LAMC3: variants seen among roughly 807,000 people sequenced by gnomAD.
LAMC3 encodes laminin subunit gamma 3.
LAMC3 carries 128 observed loss-of-function variants against 173.8 expected under a neutral mutation model. That is an observed-to-expected ratio of 0.74 (90% CI 0.64 to 0.85). The LOEUF (loss-of-function observed/expected upper bound fraction) is 0.85, where lower values mean the gene tolerates loss of function less well. LAMC3 is among the 40% of genes least tolerant of loss of function. The pLI is 0.00. For synonymous variants in LAMC3, 897 were observed against 909.1 expected (o/e 0.99, Z 0.24); for missense variants, 2,022 against 2,156.0 (o/e 0.94, Z 1.23).
intron 12 of LAMC3, 142 bp downstream of exon 12, chr9:131,057,289 C>A: frequency 1.4e-6 from 1 of 734,386 alleles, no homozygotes; most frequent in Non-Finnish European, 2.4e-6. Flanking sequence ...TGAGCTTTCC[C>A]GTGCTGCTCA....
Position 131,086,164 on chromosome 9 carries a change from C to T in LAMC3, c.4230+441C>T, listed in dbSNP as rs1009628631. On this transcript the variant is annotated intron_variant, in intron 25 of 27. Transcript: ENST00000361069. The stretch of plus-strand genomic sequence containing the variant: ...CGCAATCTCAGCTCACTGCAATCTC[C>T]GCCTCCTGGGTTCAAGTGACTCTCC... Among the ~76,000 whole-genome samples the T allele has an allele frequency of 1.6e-4, 24 of 151,430 alleles. No individual in the cohort carries two copies. In the East Asian group the frequency reaches 2.4e-3, roughly 15 times the overall value.
intron 20 of LAMC3, 35 bp from the exon 21 acceptor site, chr9:131,075,796 C>G (rs756641515): frequency 4.4e-6 from 7 of 1,595,938 alleles, no homozygotes; most frequent in Non-Finnish European, 5.1e-6. Context: ...TCCCTGCGAG[C>G]CCTTGGTAAT....
Position 131,009,619 on chromosome 9 carries a change from C to T in LAMC3, c.373+32C>T. On this transcript the variant is annotated intron_variant, in intron 1 of 27. Coordinates refer to ENST00000361069, the MANE Select transcript of LAMC3 (RefSeq NM_006059.4). The surrounding 1 kb of genome is among the most constrained non-coding windows in gnomAD (Gnocchi z 4.3). ...GCGGGCTGGGGGCACCGCCACCGCA[C>T]CCCGTGTCCCCACTCCACTGGGGGT... 6.4e-7 allele frequency: 1 copy of T among 1,552,726 alleles called. No individual in the cohort carries two copies. The highest frequency in any genetic ancestry group is 8.7e-7 in the Non-Finnish European group (1 of 1,150,654).
chr9:131,021,863 A>G (rs1833631954), intron 1 of LAMC3, among the ~76,000 whole-genome samples: 1 of 152,212 alleles, frequency 6.6e-6, no homozygotes, highest in South Asian at 2.1e-4. Flanking sequence ...TGCAAAGGAC[A>G]CAGATGAAGA....
intron 7 of LAMC3, among the ~76,000 whole-genome samples, chr9:131,042,496 A>G (rs1834073855): frequency 1.3e-5 from 2 of 151,472 alleles, no homozygotes; most frequent in South Asian, 4.2e-4. Flanking sequence ...CTCACGGCCA[A>G]CATCACTCAT....
At position 131,029,400 on chromosome 9, in the gene LAMC3, C is replaced by T. The variant is rs939033986; in HGVS notation, c.679-2645C>T. 1.3e-5 allele frequency among the ~76,000 whole-genome samples: 2 copies of T among 152,190 alleles called. No individual in the cohort carries two copies. The highest frequency in any genetic ancestry group is 4.8e-5 in the African/African-American group (2 of 41,438). ...AAGACAGGCAGGGAGGGCCGGCCCC[C>T]GCTCCCACCTGCGTCTGTGCAGCCA... On this transcript the variant is annotated intron_variant, in intron 2 of 27. Transcript: ENST00000361069. This position sits in a 1 kb window ranked among gnomAD's most constrained non-coding sequence, Gnocchi z 4.6.
rs1326681132 is a variant in LAMC3, at chr9:131,029,001, C to T, written c.678+2412C>T. ...TTTTACTGGAGGCTGGCAGTGTAGA[C>T]ACGGCTGACCACCTGTGTGGCTGAC... is the stretch of plus-strand genomic sequence containing the variant. On this transcript the variant is annotated intron_variant, in intron 2 of 27. Coordinates refer to ENST00000361069, the MANE Select transcript of LAMC3 (RefSeq NM_006059.4). The surrounding 1 kb of genome is among the most constrained non-coding windows in gnomAD (Gnocchi z 4.6). Among the ~76,000 whole-genome samples, 3 of 151,968 alleles carry T rather than the reference C, an allele frequency of 2.0e-5. No homozygotes were observed. The highest frequency in any genetic ancestry group is 3.9e-4 in the East Asian group (2 of 5,162).
At chr9:131,036,954 TG>T (rs1235214930) in intron 4 of LAMC3, among the ~76,000 whole-genome samples, 1 of 152,258 alleles carries the variant, frequency 6.6e-6, no homozygotes, top group Non-Finnish European at 1.5e-5. Flanking sequence ...AGATCCCAGC[TG>T]GTGCTGGTGC....
At chr9:131,034,443 C>T (rs1303896060) in intron 3 of LAMC3, among the ~76,000 whole-genome samples, 6 of 152,232 alleles carry the variant, frequency 3.9e-5, no homozygotes, top group African/African-American at 1.2e-4. Flanking sequence ...CACCTGGAGC[C>T]GCAACAGCGG....
chr9:131,055,586 G>A (rs1405285832), intron 11 of LAMC3, among the ~76,000 whole-genome samples: 13 of 151,210 alleles, frequency 8.6e-5, no homozygotes, highest in South Asian at 2.1e-4. Context: ...CACCACGCCC[G>A]GCTAATTTTT....
rs1830433936 is a variant in LAMC3, at chr9:131,091,864, T to C, written c.*77T>C. On this transcript the variant is annotated 3_prime_UTR_variant, in exon 28 of 28. Coordinates refer to ENST00000361069, the MANE Select transcript of LAMC3 (RefSeq NM_006059.4). ...CAGGGGGTGCACACTACCCCACAGG[T>C]GTGCCCATACAGACATTCCCCGGAG... is the stretch of plus-strand genomic sequence containing the variant. 2 of 1,560,742 alleles carry C rather than the reference T, an allele frequency of 1.3e-6. No homozygotes were observed. The highest frequency in any genetic ancestry group is 1.7e-6 in the Non-Finnish European group (2 of 1,149,490).
chr9:131,064,587 C>G (rs1260347949), intron 13 of LAMC3, among the ~76,000 whole-genome samples: 1 of 151,436 alleles, frequency 6.6e-6, no homozygotes, highest in African/African-American at 2.4e-5. Context: ...GGCGTGAACC[C>G]CGGGGGGCGG....
At chr9:131,082,320 G>A (rs145906754) in intron 24 of LAMC3, among the ~76,000 whole-genome samples, 159 bp downstream of exon 24, 2 of 152,318 alleles carry the variant, frequency 1.3e-5, no homozygotes, top group East Asian at 3.9e-4. Flanking sequence ...TCAGGATCCT[G>A]CCCCATCTCA....
intron 21 of LAMC3, 133 bp from the exon 22 acceptor site, chr9:131,077,054 T>A (rs942016634): frequency 5.0e-6 from 6 of 1,205,310 alleles, no homozygotes; most frequent in African/African-American, 3.0e-5. Context: ...CAGCTGTACC[T>A]ACCCCGCAGA....
chr9:131,062,557 A>G (rs6597674), intron 13 of LAMC3, among the ~76,000 whole-genome samples: 103,660 of 151,990 alleles, frequency 0.68, 35,516 homozygotes, highest in Non-Finnish European at 0.7. Context: ...CATCCCAGAC[A>G]GAAACCGTAC....
In LAMC3 at chr9:131,057,014, T is replaced by C; in HGVS notation, c.2025T>C (p.Cys675=). Residue 675 remains cysteine (C), a synonymous_variant, in exon 12 of 28, where the codon TGT becomes TGC. Transcript: ENST00000361069. The part of the protein sequence containing the change: ...PPASWVEICS[C]PTGYTGQFCE... ...CCTCCTGGGTGGAGATTTGTTCATG[T>C]CCCACTGGCTACACGGGCCAGTTCT... 1 of 1,614,124 alleles carries C rather than the reference T, an allele frequency of 6.2e-7. No individual in the cohort carries two copies. The highest frequency in any genetic ancestry group is 8.5e-7 in the Non-Finnish European group (1 of 1,180,024).
intron 18 of LAMC3, 100 bp downstream of exon 18, chr9:131,071,725 G>C (rs1830039787): frequency 1.3e-5 from 17 of 1,285,252 alleles, no homozygotes; most frequent in Non-Finnish European, 1.8e-5. Flanking sequence ...TCCCAAAACA[G>C]CCCTGTTGCC....
intron 27 of LAMC3, among the ~76,000 whole-genome samples, chr9:131,088,885 C>T (rs1037470145): frequency 2.6e-5 from 4 of 151,910 alleles, no homozygotes; most frequent in Non-Finnish European, 4.4e-5. Flanking sequence ...AGTTTGAGAC[C>T]AGCCTGACCA....
At chr9:131,052,732 C>T in intron 10 of LAMC3, 49 bp downstream of exon 10, 1 of 1,549,526 alleles carries the variant, frequency 6.5e-7, no homozygotes, top group Non-Finnish European at 8.9e-7. Flanking sequence ...GAGGGGTGGT[C>T]TCTGAGGTCC....
Sources: gnomAD v4.1 joint callset for allele counts (sites outside exome capture counted in the v4.1 genomes callset) on GRCh38, gnomAD v4.1.1 for gene constraint, Gnocchi (gnomAD v3.1) non-coding constraint, MANE v1.5 for transcripts, NCBI Gene and HGNC (gene_info 2026-07-23, HGNC 2026-07-21) for gene names.